Variants in PTPRF observed in about 807,000 individuals in gnomAD.
The protein encoded by PTPRF is protein tyrosine phosphatase receptor type F, also known as receptor-type tyrosine-protein phosphatase F.
Under a neutral mutation model 201.8 loss-of-function variants are expected in PTPRF, and 59 were observed. The observed-to-expected ratio is 0.29, with a 90% CI of 0.24 to 0.36. PTPRF has a LOEUF of 0.36. Among genes scored for constraint, PTPRF ranks in the 10% least tolerant of loss-of-function variants. The pLI is 1.00. For synonymous variants in PTPRF, 1,088 were observed against 1,089.7 expected, an observed-to-expected ratio of 1.00 and a Z score of 0.03; for missense variants, 2,132 against 2,690.5, an observed-to-expected ratio of 0.79 and a Z score of 4.59.
chr1:43,535,090 C>T (rs977905821), intron 1 of PTPRF, among the ~76,000 whole-genome samples: 1 of 152,048 alleles, frequency 6.6e-6, no homozygotes, highest in African/African-American at 2.4e-5. Context: ...CATGAGGTTG[C>T]CTTTAATGAG....
In PTPRF at chr1:43,619,270, T is replaced by C. The variant is rs1658615623; in HGVS notation, c.4647-18T>C. The C allele has an allele frequency of 1.2e-6, 2 of 1,612,024 alleles. No homozygotes were observed. Among genetic ancestry groups the C allele is most frequent in the Non-Finnish European group, 1.7e-6 (2 of 1,179,200 alleles). On this transcript the variant is annotated intron_variant, in intron 27 of 33. Coordinates refer to ENST00000359947, the MANE Select transcript of PTPRF (RefSeq NM_002840.5). ...AGGTGGGGGCGCCTGTGCCTCAAGC[T>C]GAGCCCGTGTCCTGCAGCGCGGGCG...
chr1:43,575,797 A>C, intron 6 of PTPRF: 15 of 954,302 alleles, frequency 1.6e-5, no homozygotes, highest in Non-Finnish European at 2.1e-5. Context: ...TTCTCCATGT[A>C]TTTAAGGCCC....
At chr1:43,550,978 G>A (rs1284570870) in intron 3 of PTPRF, among the ~76,000 whole-genome samples, 1 of 152,216 alleles carries the variant, frequency 6.6e-6, no homozygotes, top group Non-Finnish European at 1.5e-5. Flanking sequence ...TGGGGCTCTG[G>A]GGAGAGCAGC....
intron 6 of PTPRF, chr1:43,576,009 CTCCCCA>C (rs770431770): frequency 1.9e-4 from 243 of 1,277,350 alleles, no homozygotes; most frequent in Non-Finnish European, 2.4e-4. Flanking sequence ...AGTCTGTCAC[CTCCCCA>C]TCCCCATCCC....
Position 43,618,704 on chromosome 1 carries a change from A to G in PTPRF, c.4446A>G (p.Thr1482=). ...CGLIQVTLLD[T]VELATYTVRT... is the part of the protein sequence containing the mutation. ...TTATTCAGGTGACCCTGTTGGACAC[A>G]GTGGAGCTGGCCACATACACTGTGC... Residue 1482 remains threonine, a synonymous_variant, in exon 26 of 34, where the codon ACA becomes ACG. Transcript: ENST00000359947. 2 of 1,612,010 alleles carry G rather than the reference A, an allele frequency of 1.2e-6. No individual in the cohort carries two copies. The highest frequency in any genetic ancestry group is 2.2e-5 in the South Asian group (2 of 91,022).
chr1:43,555,223 T>A (rs1645280616), intron 5 of PTPRF, among the ~76,000 whole-genome samples: 1 of 152,104 alleles, frequency 6.6e-6, no homozygotes, highest in African/African-American at 2.4e-5. Flanking sequence ...AAGTATAGAA[T>A]AGCACAGAGG....
intron 11 of PTPRF, among the ~76,000 whole-genome samples, chr1:43,594,548 C>T (rs939289533): frequency 5.3e-5 from 8 of 152,102 alleles, no homozygotes; most frequent in East Asian, 1.9e-4. Context: ...AAGCAGAGAC[C>T]GGTTAGGAGG....
chr1:43,620,653 C>T (rs1239674405), intron 31 of PTPRF, 74 bp downstream of exon 31: 1 of 1,574,392 alleles, frequency 6.4e-7, no homozygotes, highest in East Asian at 2.2e-5. Flanking sequence ...TGCATGGTAC[C>T]TTAGCTCAAG....
chr1:43,619,014 C>T lies in PTPRF; in HGVS notation c.4492-34C>T, dbSNP rs751158095. The T allele has an allele frequency of 3.7e-6, 6 of 1,602,884 alleles. No homozygotes were observed. The Admixed American group carries it at 8.4e-5, about 22-fold the overall frequency. ...TCCTGAGTCTATGGCAGGTAGGCTC[C>T]TAGTCGCCAGTATGTCCCCACTTTG... On this transcript the variant is annotated intron_variant, in intron 26 of 33. Transcript: ENST00000359947.
Position 43,606,834 on chromosome 1 carries a change from C to T in PTPRF, c.3723C>T (p.Pro1241=). The T allele has an allele frequency of 1.9e-6, 3 of 1,613,960 alleles. No individual in the cohort carries two copies. The highest frequency in any genetic ancestry group is 1.1e-5 in the South Asian group (1 of 91,086). ...PMDQKRYASS[P]YSDEIVVQVT... ...CACAGAAGCGCTATGCCTCCAGCCC[C>T]TACTCGGATGAGATCGTGGTCCAGG... Residue 1241 remains proline (P), a synonymous_variant, in exon 21 of 34, where the codon CCC becomes CCT. Transcript: ENST00000359947.
Position 43,612,643 on chromosome 1 carries a change from G to A in PTPRF, c.3974-975G>A, listed in dbSNP as rs761420580. 2.8e-4 allele frequency: 216 copies of A among 759,858 alleles called. 1 individual carries two copies. The highest frequency in any genetic ancestry group is 3.9e-4 in the South Asian group (26 of 66,952). 47.1% of individuals were successfully genotyped at this position (759,858 alleles called of 1,614,324 possible). A position where few individuals can be genotyped will look rare whatever the true frequency, so the allele number is the denominator to read the frequency against. ...CACCGCCCCCTCCTCTTCTCCGCCAGCCCCTCGCAAGCCCGCTCGGCACCT... is the reference window on the plus strand; with the variant it reads ...CACCGCCCCCTCCTCTTCTCCGCCAACCCCTCGCAAGCCCGCTCGGCACCT... On this transcript the variant is annotated intron_variant, in intron 22 of 33. Coordinates refer to ENST00000359947, the MANE Select transcript of PTPRF (RefSeq NM_002840.5).
chr1:43,573,765 G>A (rs1298468082), intron 6 of PTPRF, among the ~76,000 whole-genome samples: 1 of 152,152 alleles, frequency 6.6e-6, no homozygotes, highest in Non-Finnish European at 1.5e-5. Context: ...TGTTTGGTGG[G>A]GAAATTACTG....
At chr1:43,605,740 T>A in intron 19 of PTPRF, 118 bp downstream of exon 19, 1 of 1,016,980 alleles carries the variant, frequency 9.8e-7, no homozygotes, top group South Asian at 1.5e-5. Context: ...GAAATCTCTC[T>A]TCTGGCTGGC....
Position 43,602,906 on chromosome 1 carries a change from A to G in PTPRF, c.2341-510A>G, listed in dbSNP as rs1399020718. On this transcript the variant is annotated intron_variant, in intron 14 of 33. Coordinates refer to ENST00000359947, the MANE Select transcript of PTPRF (RefSeq NM_002840.5). ...TAGACATTCACAGAGTTAGTGGCCTATATGGGGGCAGCGGAGTCCTGACTG... is the reference window on the plus strand; with the variant it reads ...TAGACATTCACAGAGTTAGTGGCCTGTATGGGGGCAGCGGAGTCCTGACTG... Among the ~76,000 whole-genome samples the G allele has an allele frequency of 2.0e-5, 3 of 152,154 alleles. No individual in the cohort carries two copies. In the East Asian group the frequency reaches 5.8e-4, roughly 29 times the overall value.
chr1:43,620,519 G>T lies in PTPRF; in HGVS notation c.5304G>T (p.Pro1768=), dbSNP rs200215132. 6.2e-7 allele frequency: 1 copy of T among 1,613,878 alleles called. No individual in the cohort carries two copies. Residue 1768 remains proline, a synonymous_variant, in exon 31 of 34, where the codon CCG becomes CCT. Coordinates refer to ENST00000359947, the MANE Select transcript of PTPRF (RefSeq NM_002840.5). ...GCTACCAGTACTTTGTTGTTGACCC[G>T]ATGGCTGAGTACAACATGCCCCAGT... The part of the protein sequence containing the change: ...SARYQYFVVD[P]MAEYNMPQYI...
Position 43,619,446 on chromosome 1 carries a change from A to C in PTPRF, c.4805A>C (p.Glu1602Ala), listed in dbSNP as rs760947139. 6.2e-7 allele frequency: 1 copy of C among 1,614,098 alleles called. No individual in the cohort carries two copies. Reference protein sequence around the residue: ...QTEDQYVFIHEALLEAATCGH... With the variant: ...QTEDQYVFIHAALLEAATCGH... ...GAGGACCAGTACGTGTTCATCCATG[A>C]GGCGCTGCTGGAGGCTGCCACGTGC... The change falls in exon 28 of 34, where the codon GAG becomes GCG. Residue 1602 changes from glutamate to alanine, a missense_variant. Glu to Ala is a moderately radical substitution (Grantham distance 107). Coordinates refer to ENST00000359947, the MANE Select transcript of PTPRF (RefSeq NM_002840.5).
At chr1:43,549,827 A>T (rs1474395740) in intron 3 of PTPRF, among the ~76,000 whole-genome samples, 2 of 151,428 alleles carry the variant, frequency 1.3e-5, no homozygotes, top group African/African-American at 4.9e-5. Context: ...TGCCACTTGT[A>T]CTCCAACCTG....
At chr1:43,616,065 G>A (rs1290641376) in intron 23 of PTPRF, among the ~76,000 whole-genome samples, 5 of 152,024 alleles carry the variant, frequency 3.3e-5, no homozygotes, top group African/African-American at 1.2e-4. Flanking sequence ...CAAAAGGTGG[G>A]CTGACAGCAC....
Position 43,553,976 on chromosome 1 carries a change from C to T in PTPRF, c.379+35C>T, listed in dbSNP as rs536275359. Reference sequence around the variant, plus strand: ...AGGGAGACGTGGCACGGTGGGCTGCCGGGCTGAGGCGTGGGAAGAGCCAGC... The same window carrying T: ...AGGGAGACGTGGCACGGTGGGCTGCTGGGCTGAGGCGTGGGAAGAGCCAGC... On this transcript the variant is annotated intron_variant, in intron 5 of 33. Transcript: ENST00000359947. This position sits in a 1 kb window ranked among gnomAD's most constrained non-coding sequence, Gnocchi z 4.1. 2.9e-5 allele frequency: 47 copies of T among 1,608,776 alleles called. No individual in the cohort carries two copies. The East Asian group carries it at 5.8e-4, about 20-fold the overall frequency.
Sources: gnomAD v4.1 joint callset for allele counts (sites outside exome capture counted in the v4.1 genomes callset) on GRCh38, gnomAD v4.1.1 for gene constraint, Gnocchi (gnomAD v3.1) non-coding constraint, MANE v1.5 for transcripts, NCBI Gene and HGNC (gene_info 2026-07-23, HGNC 2026-07-21) for gene names.